The following GABBR2 variants were observed in gnomAD, a reference collection of about 807,000 sequenced individuals.
GABBR2 encodes gamma-aminobutyric acid type B receptor subunit 2.
GABBR2 carries 23 observed loss-of-function variants against 105.6 expected under a neutral mutation model. The observed-to-expected ratio is 0.22, with a 90% CI of 0.16 to 0.31. GABBR2 has a LOEUF of 0.31. Ranked by LOEUF, GABBR2 falls within the 10% of genes least tolerant of loss-of-function variation. The pLI, the probability that GABBR2 is intolerant of heterozygous loss-of-function variation, is 1.00. For missense variants in GABBR2, 734 were observed against 1,245.5 expected (o/e 0.59, Z 6.18); for synonymous variants, 478 against 499.7 (o/e 0.96, Z 0.58).
chr9:98,589,424 C>G (rs1225069150), intron 1 of GABBR2, among the ~76,000 whole-genome samples: 1 of 152,176 alleles, frequency 6.6e-6, no homozygotes, highest in East Asian at 1.9e-4. Context: ...ATGCATGAAA[C>G]TTCTGGGCTA....
chr9:98,292,010 A>G (rs1830310001), intron 18 of GABBR2, among the ~76,000 whole-genome samples: 1 of 152,186 alleles, frequency 6.6e-6, no homozygotes, highest in Non-Finnish European at 1.5e-5. Flanking sequence ...TCATTGCCAC[A>G]CCCTTCTGGT....
intron 4 of GABBR2, among the ~76,000 whole-genome samples, chr9:98,482,352 T>C (rs1356271881): frequency 6.6e-6 from 1 of 152,136 alleles, no homozygotes. Flanking sequence ...AAAAAAACAC[T>C]GGCTCTGAAA....
At chr9:98,293,546 T>C (rs1339761291) in intron 18 of GABBR2, among the ~76,000 whole-genome samples, 3 of 152,246 alleles carry the variant, frequency 2.0e-5, no homozygotes, top group Non-Finnish European at 2.9e-5. Context: ...GTTGGAAAGA[T>C]GTGAGTTCAA....
At chr9:98,332,265 GT>G (rs1341525222) in intron 13 of GABBR2, among the ~76,000 whole-genome samples, 1 of 152,206 alleles carries the variant, frequency 6.6e-6, no homozygotes, top group Non-Finnish European at 1.5e-5. Flanking sequence ...TATCCTGCAC[GT>G]TTGCTCTTGG....
At chr9:98,493,643 T>G (rs1827221305) in intron 4 of GABBR2, among the ~76,000 whole-genome samples, 1 of 152,256 alleles carries the variant, frequency 6.6e-6, no homozygotes, top group African/African-American at 2.4e-5. Flanking sequence ...CTGGTTTTCT[T>G]GTCTGTCCTC....
intron 7 of GABBR2, among the ~76,000 whole-genome samples, chr9:98,411,174 G>A (rs1404859904): frequency 6.6e-6 from 1 of 152,208 alleles, no homozygotes; most frequent in Non-Finnish European, 1.5e-5. Context: ...AAGAGATGTT[G>A]CTAACGTCAA....
At chr9:98,338,769 T>C (rs987186792) in intron 13 of GABBR2, among the ~76,000 whole-genome samples, 3 of 152,172 alleles carry the variant, frequency 2.0e-5, no homozygotes, top group Admixed American at 6.5e-5. Flanking sequence ...GCCCAGCAAT[T>C]CCACTCCCAG....
intron 13 of GABBR2, among the ~76,000 whole-genome samples, chr9:98,331,125 C>T (rs1831016946): frequency 6.6e-6 from 1 of 152,132 alleles, no homozygotes; most frequent in Admixed American, 6.6e-5. Context: ...ATGGATAGAC[C>T]ACATTTTGTT....
At chr9:98,340,483 CTCCT>C (rs1281488033) in intron 13 of GABBR2, among the ~76,000 whole-genome samples, 2 of 151,710 alleles carry the variant, frequency 1.3e-5, no homozygotes, top group Non-Finnish European at 2.9e-5. Context: ...TAGTCTTGAA[CTCCT>C]AGGCTCAAGT....
intron 7 of GABBR2, among the ~76,000 whole-genome samples, chr9:98,453,224 C>T (rs1490032678): frequency 6.6e-6 from 1 of 152,224 alleles, no homozygotes; most frequent in Non-Finnish European, 1.5e-5. Context: ...CAGGGTTTCA[C>T]CATGTTGGTC....
intron 8 of GABBR2, among the ~76,000 whole-genome samples, chr9:98,402,251 G>A (rs563179005): frequency 2.0e-5 from 3 of 152,216 alleles, no homozygotes; most frequent in Admixed American, 1.3e-4. Flanking sequence ...CTCTAATCAC[G>A]GCTTCACTCA....
In GABBR2 at chr9:98,365,511, T is replaced by A. The variant is rs189766278; in HGVS notation, c.1771-2674A>T. Among the ~76,000 whole-genome samples the A allele has an allele frequency of 2.0e-5, 3 of 152,376 alleles. No individual in the cohort carries two copies. In the East Asian group the frequency reaches 5.8e-4, roughly 29 times the overall value. ...AGGAGAGGAAATGGTTATTTTCCTT[T>A]TGGCACCATTCACAAACCCTGGCAT... On this transcript the variant is annotated intron_variant, in intron 12 of 18. Coordinates refer to ENST00000259455, the MANE Select transcript of GABBR2 (RefSeq NM_005458.8).
intron 1 of GABBR2, among the ~76,000 whole-genome samples, chr9:98,613,106 C>G (rs1311675662): frequency 1.3e-5 from 2 of 152,156 alleles, no homozygotes; most frequent in Non-Finnish European, 2.9e-5. Flanking sequence ...TTCCTATACC[C>G]ATAGCCTTTG....
At chr9:98,439,502 T>C (rs943716278) in intron 7 of GABBR2, among the ~76,000 whole-genome samples, 2 of 152,216 alleles carry the variant, frequency 1.3e-5, no homozygotes, top group Non-Finnish European at 2.9e-5. Context: ...GACACTAATA[T>C]CGGGCTTCTA....
intron 1 of GABBR2, among the ~76,000 whole-genome samples, chr9:98,604,800 T>C (rs951104513): frequency 1.3e-5 from 2 of 152,212 alleles, no homozygotes; most frequent in African/African-American, 4.8e-5. Context: ...CCCACTTTAC[T>C]AATGGCAAAC....
chr9:98,557,472 G>A (rs1828606810), intron 2 of GABBR2, among the ~76,000 whole-genome samples: 1 of 152,316 alleles, frequency 6.6e-6, no homozygotes, highest in Admixed American at 6.5e-5. Flanking sequence ...GTTTCAGGGA[G>A]GCTGATACGG....
chr9:98,598,662 T>C (rs1027981712), intron 1 of GABBR2, among the ~76,000 whole-genome samples: 2 of 151,858 alleles, frequency 1.3e-5, no homozygotes, highest in African/African-American at 4.8e-5. Context: ...GGGACTTTCG[T>C]CTTCAGCTGT....
intron 1 of GABBR2, among the ~76,000 whole-genome samples, chr9:98,625,909 A>C (rs1375571726): frequency 6.6e-6 from 1 of 152,166 alleles, no homozygotes; most frequent in Non-Finnish European, 1.5e-5. Flanking sequence ...ATATGTAGTG[A>C]TCTGGATTCA....
intron 8 of GABBR2, among the ~76,000 whole-genome samples, chr9:98,396,856 C>A (rs1456136695): frequency 2.6e-5 from 4 of 152,156 alleles, no homozygotes; most frequent in African/African-American, 7.2e-5. Flanking sequence ...TCCCATGGCA[C>A]TGAAATAATA....
Sources: allele counts gnomAD v4.1 joint callset (sites outside exome capture counted in the v4.1 genomes callset), GRCh38; gene constraint gnomAD v4.1.1; transcripts MANE v1.5; gene names NCBI Gene and HGNC (gene_info 2026-07-23, HGNC 2026-07-21).